VSTM2L: variants seen among roughly 807,000 people sequenced by gnomAD.
The protein encoded by VSTM2L is V-set and transmembrane domain-containing protein 2-like protein.
Under a neutral mutation model 19.9 loss-of-function variants are expected in VSTM2L, and 9 were observed. The ratio of observed to expected loss-of-function variants is 0.45; its 90% CI spans 0.27 to 0.79. The LOEUF (loss-of-function observed/expected upper bound fraction) is 0.79, where lower values mean the gene tolerates loss of function less well. Ranked by LOEUF, VSTM2L falls within the 30% of genes least tolerant of loss-of-function variation. The pLI, the probability that VSTM2L is intolerant of heterozygous loss-of-function variation, is 0.15. For missense variants in VSTM2L, 286 were observed against 295.5 expected (o/e 0.97, Z 0.24); for synonymous variants, 127 against 133.8 (o/e 0.95, Z 0.35).
chr20:37,916,950 A>G (rs1023341824), intron 1 of VSTM2L, among the ~76,000 whole-genome samples: 2 of 152,116 alleles, frequency 1.3e-5, no homozygotes, highest in African/African-American at 2.4e-5. Flanking sequence ...TCTGGGGGGA[A>G]GACAGCATGT....
Position 37,944,739 on chromosome 20 carries a change from G to A in VSTM2L, c.*486G>A. On this transcript the variant is annotated 3_prime_UTR_variant, in exon 4 of 4. Coordinates refer to ENST00000373461, the MANE Select transcript of VSTM2L (RefSeq NM_080607.3). ...TGAGCAGAACTAGGGCCTCTCCCCT[G>A]GTGAAGACCCAGGGAACCCAGGAGG... 1.0e-6 allele frequency: 1 copy of A among 987,080 alleles called. No homozygotes were observed. Among genetic ancestry groups the A allele is most frequent in the Non-Finnish European group, 1.2e-6 (1 of 831,010 alleles). The allele number at this position is 987,080 out of a possible 1,614,324, so 61.1% of individuals were successfully genotyped here.
chr20:37,944,434 T>G lies in VSTM2L; in HGVS notation c.*181T>G. The G allele has an allele frequency of 3.1e-5, 16 of 523,676 alleles. No individual in the cohort carries two copies. The highest frequency in any genetic ancestry group is 4.2e-5 in the South Asian group (1 of 23,648). 32.4% of individuals were successfully genotyped at this position (523,676 alleles called of 1,614,324 possible). ...TCAGCATGTAAGCCCCACCCACCCC[T>G]GCCCTTTCAGACCCCTGCGGTGACC... On this transcript the variant is annotated 3_prime_UTR_variant, in exon 4 of 4. Coordinates refer to ENST00000373461, the MANE Select transcript of VSTM2L (RefSeq NM_080607.3).
In VSTM2L at chr20:37,903,377, G is replaced by A. The variant is rs62201723; in HGVS notation, c.27G>A (p.Leu9=). The change falls in exon 1 of 4, where the codon CTG becomes CTA. Residue 9 remains leucine (L), a synonymous_variant. Coordinates refer to ENST00000373461, the MANE Select transcript of VSTM2L (RefSeq NM_080607.3). The part of the protein sequence containing the change: MGAPLAVA[L]GALHYLALFL... The stretch of plus-strand genomic sequence containing the variant: ...TGGGGGCCCCGCTCGCCGTAGCGCT[G>A]GGCGCCCTCCACTACCTGGCACTTT... 7 of 1,482,440 alleles carry A rather than the reference G, an allele frequency of 4.7e-6. No individual in the cohort carries two copies. The African/African-American group carries it at 8.8e-5, about 19-fold the overall frequency. The allele number at this position is 1,482,440 out of a possible 1,614,324, so 91.8% of individuals were successfully genotyped here.
intron 1 of VSTM2L, among the ~76,000 whole-genome samples, chr20:37,929,306 T>A (rs901542758): frequency 6.6e-6 from 1 of 152,172 alleles, no homozygotes; most frequent in Non-Finnish European, 1.5e-5. Context: ...AGGAGGCCAC[T>A]GTGGCAGGAG....
chr20:37,943,925 T>A, intron 3 of VSTM2L, 56 bp from the exon 4 acceptor site: 3 of 261,502 alleles, frequency 1.1e-5, no homozygotes, highest in Non-Finnish European at 1.6e-5. Flanking sequence ...CCCCCGACTC[T>A]TCTTCTCCCC....
At chr20:37,926,122 C>A (rs894623882) in intron 1 of VSTM2L, among the ~76,000 whole-genome samples, 1 of 152,150 alleles carries the variant, frequency 6.6e-6, no homozygotes, top group African/African-American at 2.4e-5. Context: ...AGTGCAGTGG[C>A]GCAATCTCAG....
chr20:37,944,719 A>T lies in VSTM2L; in HGVS notation c.*466A>T. 1.0e-6 allele frequency: 1 copy of T among 988,790 alleles called. No individual in the cohort carries two copies. Among genetic ancestry groups the T allele is most frequent in the Non-Finnish European group, 1.2e-6 (1 of 832,372 alleles). The allele number at this position is 988,790 out of a possible 1,614,324, so 61.3% of individuals were successfully genotyped here. A position where few individuals can be genotyped will look rare whatever the true frequency, so the allele number is the denominator to read the frequency against. ...GAATATGGACTTGAATCTTCTGAGC[A>T]GAACTAGGGCCTCTCCCCTGGTGAA... On this transcript the variant is annotated 3_prime_UTR_variant, in exon 4 of 4. Coordinates refer to ENST00000373461, the MANE Select transcript of VSTM2L (RefSeq NM_080607.3).
intron 1 of VSTM2L, 50 bp from the exon 2 acceptor site, chr20:37,931,581 ACTAG>A (rs1218091937): frequency 1.7e-5 from 25 of 1,492,910 alleles, no homozygotes; most frequent in Non-Finnish European, 2.0e-5. Context: ...TCCTTCACCC[ACTAG>A]CCCCGTGGTT....
chr20:37,908,732 G>A lies in VSTM2L; in HGVS notation c.121+5261G>A, dbSNP rs6021799. 8.7e-3 allele frequency among the ~76,000 whole-genome samples: 1,327 copies of A among 152,364 alleles called. 28 individuals carry two copies. Among genetic ancestry groups the A allele is most frequent in the African/African-American group, 0.029 (1,191 of 41,586 alleles). ...GCGGGAGGATCACGTGAGCCCAGGA[G>A]ATGGAGGTTGCAGTGAGCTGAGATC... On this transcript the variant is annotated intron_variant, in intron 1 of 3. Transcript: ENST00000373461.
intron 3 of VSTM2L, among the ~76,000 whole-genome samples, chr20:37,937,826 C>A (rs2072949062): frequency 6.6e-6 from 1 of 152,186 alleles, no homozygotes; most frequent in Admixed American, 6.5e-5. Flanking sequence ...GGTATCTGAT[C>A]TAGCCTGGGG....
chr20:37,903,203 A>G lies in VSTM2L; in HGVS notation c.-148A>G. 1.9e-6 allele frequency: 2 copies of G among 1,059,906 alleles called. No individual in the cohort carries two copies. The highest frequency in any genetic ancestry group is 2.4e-6 in the Non-Finnish European group (2 of 838,682). 65.7% of individuals were successfully genotyped at this position (1,059,906 alleles called of 1,614,324 possible). A position where few individuals can be genotyped will look rare whatever the true frequency, so the allele number is the denominator to read the frequency against. ...GGGCCGGAGCCGGGCGAGGGCTGGG[A>G]GCTGGGCCGGGTCCGGGGACAGCGG... On this transcript the variant is annotated 5_prime_UTR_variant, in exon 1 of 4. Transcript: ENST00000373461.
At chr20:37,905,418 G>A (rs1011822373) in intron 1 of VSTM2L, among the ~76,000 whole-genome samples, 4 of 152,176 alleles carry the variant, frequency 2.6e-5, no homozygotes, top group Non-Finnish European at 5.9e-5. Context: ...TCTGCCCTTT[G>A]TGTGACAGTC....
chr20:37,910,188 C>T (rs1186456181), intron 1 of VSTM2L, among the ~76,000 whole-genome samples: 1 of 152,242 alleles, frequency 6.6e-6, no homozygotes, highest in African/African-American at 2.4e-5. Context: ...ATAACTAGCA[C>T]ATCAAAACTG....
intron 3 of VSTM2L, among the ~76,000 whole-genome samples, chr20:37,943,007 C>T (rs938848372): frequency 6.6e-6 from 1 of 152,114 alleles, no homozygotes; most frequent in Non-Finnish European, 1.5e-5. Context: ...CGCTGTCGCC[C>T]AGGCTGGAGT....
At chr20:37,933,487 C>A (rs763099838) in intron 2 of VSTM2L, 52 bp from the exon 3 acceptor site, 1 of 1,472,828 alleles carries the variant, frequency 6.8e-7, no homozygotes, top group South Asian at 1.2e-5. Context: ...CCACCCCCAC[C>A]CTGTGCTAAC....
In VSTM2L at chr20:37,944,447, C is replaced by A. The variant is rs2072996379; in HGVS notation, c.*194C>A. The A allele has an allele frequency of 1.6e-6, 2 of 1,253,226 alleles. No homozygotes were observed. Among genetic ancestry groups the A allele is most frequent in the Non-Finnish European group, 2.0e-6 (2 of 991,452 alleles). The allele number at this position is 1,253,226 out of a possible 1,614,324, so 77.6% of individuals were successfully genotyped here. On this transcript the variant is annotated 3_prime_UTR_variant, in exon 4 of 4. Transcript: ENST00000373461. The stretch of plus-strand genomic sequence containing the variant: ...CCCACCCACCCCTGCCCTTTCAGAC[C>A]CCTGCGGTGACCTGGCTCGGAGAAG...
intron 1 of VSTM2L, among the ~76,000 whole-genome samples, chr20:37,904,813 G>A (rs1299408533): frequency 2.6e-5 from 4 of 152,150 alleles, no homozygotes; most frequent in South Asian, 2.1e-4. Context: ...GGGGGGCTTC[G>A]AAGCCATCCT....
At chr20:37,923,585 G>GT (rs1168762354) in intron 1 of VSTM2L, among the ~76,000 whole-genome samples, 4 of 152,194 alleles carry the variant, frequency 2.6e-5, no homozygotes, top group African/African-American at 7.2e-5. Flanking sequence ...TCAAAAATCT[G>GT]TAACTATACC....
chr20:37,927,362 T>TA, intron 1 of VSTM2L, among the ~76,000 whole-genome samples: 1 of 152,352 alleles, frequency 6.6e-6, no homozygotes, highest in East Asian at 1.9e-4. Context: ...TGTTTTTTTT[T>TA]ACTTTCCTTT....
Sources: gnomAD v4.1 joint callset for allele counts (sites outside exome capture counted in the v4.1 genomes callset) on GRCh38, gnomAD v4.1.1 for gene constraint, MANE v1.5 for transcripts, NCBI Gene and HGNC (gene_info 2026-07-23, HGNC 2026-07-21) for gene names.